CPOX: variants seen among roughly 807,000 people sequenced by gnomAD.
The protein encoded by CPOX is oxygen-dependent coproporphyrinogen-III oxidase, mitochondrial.
Under a neutral mutation model 48.9 loss-of-function variants are expected in CPOX, and 24 were observed. That is an observed-to-expected ratio of 0.49 (90% confidence interval 0.36 to 0.69). CPOX has a LOEUF of 0.69. Among genes scored for constraint, CPOX ranks in the 30% least tolerant of loss-of-function variants. The pLI is 0.00. For missense variants in CPOX, 549 were observed against 597.3 expected, an observed-to-expected ratio of 0.92 and a Z score of 0.84; for synonymous variants, 249 against 234.6, an observed-to-expected ratio of 1.06 and a Z score of -0.56.
At chr3:98,592,198 G>C (rs2107133865) in intron 1 of CPOX, among the ~76,000 whole-genome samples, 1 of 152,244 alleles carries the variant, frequency 6.6e-6, no homozygotes, top group South Asian at 2.1e-4. Context: ...AGATGTGTCA[G>C]TATCACAGCT....
chr3:98,586,355 A>C (rs965656105), intron 4 of CPOX, among the ~76,000 whole-genome samples: 2 of 152,146 alleles, frequency 1.3e-5, no homozygotes, highest in Non-Finnish European at 2.9e-5. Context: ...GGAATCTTCC[A>C]CTAACAATGA....
chr3:98,592,516 C>T (rs1323818152), intron 1 of CPOX, among the ~76,000 whole-genome samples: 3 of 151,942 alleles, frequency 2.0e-5, no homozygotes, highest in Admixed American at 6.6e-5. Context: ...GGAGTTTAGC[C>T]GACACTTAGC....
Position 98,579,918 on chromosome 3 carries a change from A to T in CPOX, c.*765T>A. ...TTCCACACAGAGATGTCTGAAATAG[A>T]AAACTCTTAAGTATCAGAATTCAGG... On this transcript the variant is annotated 3_prime_UTR_variant, in exon 7 of 7. Transcript: ENST00000647941. 1.0e-6 allele frequency: 1 copy of T among 985,808 alleles called. No individual in the cohort carries two copies. 61.1% of individuals were successfully genotyped at this position (985,808 alleles called of 1,614,324 possible).
intron 5 of CPOX, among the ~76,000 whole-genome samples, chr3:98,585,154 A>T (rs1462555978): frequency 1.3e-5 from 2 of 152,190 alleles, no homozygotes; most frequent in East Asian, 3.8e-4. Flanking sequence ...TCTTGACATA[A>T]GGCTGGAGGG....
Position 98,580,554 on chromosome 3 carries a change from C to A in CPOX, c.*129G>T. On this transcript the variant is annotated 3_prime_UTR_variant, in exon 7 of 7. Transcript: ENST00000647941. ...TCCAAAACATGTTATCATCTGCCCA[C>A]GAGGTAGGGTGCAGAGTGGAGAAGA... 1 of 1,532,670 alleles carries A rather than the reference C, an allele frequency of 6.5e-7. No individual in the cohort carries two copies. Among genetic ancestry groups the A allele is most frequent in the Non-Finnish European group, 8.8e-7 (1 of 1,139,792 alleles). The allele number at this position is 1,532,670 out of a possible 1,614,324, so 94.9% of individuals were successfully genotyped here.
rs190796487 is a variant in CPOX, at chr3:98,581,738, T to C, written c.1173-227A>G. ...ATAGAATATAGATTCTGCCCCAACATAGAGCAGTCACAATACAAGGTTATG... is the reference window on the plus strand; with the variant it reads ...ATAGAATATAGATTCTGCCCCAACACAGAGCAGTCACAATACAAGGTTATG... On this transcript the variant is annotated intron_variant, in intron 5 of 6. Transcript: ENST00000647941. Among the ~76,000 whole-genome samples, 259 of 152,256 alleles carry C rather than the reference T, an allele frequency of 1.7e-3. 1 individual carries two copies. Among genetic ancestry groups the C allele is most frequent in the African/African-American group, 5.7e-3 (235 of 41,538 alleles).
chr3:98,584,034 C>T (rs1423188275), intron 5 of CPOX, among the ~76,000 whole-genome samples: 1 of 152,168 alleles, frequency 6.6e-6, no homozygotes, highest in Non-Finnish European at 1.5e-5. Flanking sequence ...CAACGACTTT[C>T]AGAATGATCT....
intron 1 of CPOX, 123 bp downstream of exon 1, chr3:98,592,826 C>G (rs1707505565): frequency 9.2e-7 from 1 of 1,090,046 alleles, no homozygotes; most frequent in African/African-American, 1.6e-5. Context: ...ACCAAGCGGC[C>G]TCTCTGTGGG....
In CPOX at chr3:98,585,558, C is replaced by G; in HGVS notation, c.1055G>C (p.Arg352Pro). Residue 352 changes from arginine (R) to proline (P), a missense_variant, in exon 5 of 7, where the codon CGC becomes CCC. Physicochemically the swap from Arg to Pro is moderately radical, Grantham distance 103. Coordinates refer to ENST00000647941, the MANE Select transcript of CPOX (RefSeq NM_000097.7). Reference protein sequence around the residue: ...LDSPSKEEVFRFVQSCARAVV... With the variant: ...LDSPSKEEVFPFVQSCARAVV... ...AGCCCTGGCACAGCTCTGTACAAAG[C>G]GAAACACCTCCTCCTTGGACGGAGA... 4 of 1,614,068 alleles carry G rather than the reference C, an allele frequency of 2.5e-6. 1 individual carries two copies. In the South Asian group the frequency reaches 4.4e-5, roughly 18 times the overall value.
At chr3:98,587,189 G>A (rs1707380995) in intron 4 of CPOX, among the ~76,000 whole-genome samples, 1 of 152,084 alleles carries the variant, frequency 6.6e-6, no homozygotes, top group South Asian at 2.1e-4. Flanking sequence ...CTGACGCATA[G>A]GTAGAATTCA....
In CPOX at chr3:98,580,385, C is replaced by T; in HGVS notation, c.*298G>A. ...GAGAGATTTCCTGATACATATAATA[C>T]TATTTATATTCCCTTATCTCAATAC... On this transcript the variant is annotated 3_prime_UTR_variant, in exon 7 of 7. Transcript: ENST00000647941. 2 of 1,139,764 alleles carry T rather than the reference C, an allele frequency of 1.8e-6. No homozygotes were observed. Among genetic ancestry groups the T allele is most frequent in the Non-Finnish European group, 2.2e-6 (2 of 919,050 alleles). 70.6% of individuals were successfully genotyped at this position (1,139,764 alleles called of 1,614,324 possible).
At chr3:98,575,799 G>C (rs141784019), downstream of CPOX, among the ~76,000 whole-genome samples, 652 of 150,522 alleles carry the variant, frequency 4.3e-3, 2 homozygotes, top group Middle Eastern at 7.0e-3. Context: ...CGGGTGTGCT[G>C]GCTCATGCCT....
rs1263784603 is a variant in CPOX at position 98,580,640 on chromosome 3, C to T, written c.*43G>A. 1 of 1,611,972 alleles carries T rather than the reference C, an allele frequency of 6.2e-7. No individual in the cohort carries two copies. The highest frequency in any genetic ancestry group is 1.7e-4 in the Middle Eastern group (1 of 6,044). ...GCCGACCAGTGGCATGGGGAGCACA[C>T]ATCGTGTGCCCTCCAAACCCCTGCA... On this transcript the variant is annotated 3_prime_UTR_variant, in exon 7 of 7. Transcript: ENST00000647941.
chr3:98,576,525 C>G (rs754118466), downstream of CPOX, among the ~76,000 whole-genome samples: 1 of 152,154 alleles, frequency 6.6e-6, no homozygotes, highest in Non-Finnish European at 1.5e-5. Flanking sequence ...TGTTGTACAA[C>G]TTATGACTTG....
the CPOX span, among the ~76,000 whole-genome samples, chr3:98,572,069 G>A: frequency 6.6e-6 from 1 of 152,166 alleles, no homozygotes; most frequent in Non-Finnish European, 1.5e-5. Context: ...ATAAGTTAGA[G>A]ACACTTTGTT....
At position 98,585,631 on chromosome 3, in the gene CPOX, G is replaced by A. The variant is rs121917873; in HGVS notation, c.982C>T (p.Arg328Cys). 1.2e-6 allele frequency: 2 copies of A among 1,613,880 alleles called. No homozygotes were observed. Among genetic ancestry groups the A allele is most frequent in the Non-Finnish European group, 1.7e-6 (2 of 1,179,942 alleles). Residue 328 changes from arginine to cysteine, a missense_variant, in exon 5 of 7, where the codon CGT becomes TGT. Physicochemically the swap from Arg to Cys is radical, Grantham distance 180. Transcript: ENST00000647941. ...WCDDYFFIAH[R>C]GERRGIGGIF... The stretch of plus-strand genomic sequence containing the variant: ...CCACCAATGCCCCGCCGTTCTCCAC[G>A]ATGGGCTATAAAGAAGTAATCATCA...
chr3:98,592,842 C>G (rs547570137), intron 1 of CPOX, 107 bp downstream of exon 1: 115 of 1,269,920 alleles, frequency 9.1e-5, no homozygotes, highest in South Asian at 3.5e-4. Flanking sequence ...GTGGGTACCC[C>G]CTACCTACCC....
rs562886526 is a variant in CPOX at position 98,585,879 on chromosome 3, C to T, written c.954-220G>A. ...GCTTATCCTCTTTTTCTTTTCTTTT[C>T]TTTTTTTTTTTGAGACGGACTCTTG... On this transcript the variant is annotated intron_variant, in intron 4 of 6. Coordinates refer to ENST00000647941, the MANE Select transcript of CPOX (RefSeq NM_000097.7). 9.9e-4 allele frequency: 403 copies of T among 407,292 alleles called. 1 individual carries two copies. Among genetic ancestry groups the T allele is most frequent in the South Asian group, 7.5e-3 (270 of 36,014 alleles). The allele number at this position is 407,292 out of a possible 1,614,324, so 25.2% of individuals were successfully genotyped here. A position where few individuals can be genotyped will look rare whatever the true frequency, so the allele number is the denominator to read the frequency against.
At chr3:98,570,993 A>G in the CPOX span, among the ~76,000 whole-genome samples, 1 of 152,300 alleles carries the variant, frequency 6.6e-6, no homozygotes, top group East Asian at 1.9e-4. Flanking sequence ...TCTTCACTCA[A>G]TGTCTGTGAT....
Sources: gnomAD v4.1 joint callset for allele counts (sites outside exome capture counted in the v4.1 genomes callset) on GRCh38, gnomAD v4.1.1 for gene constraint, MANE v1.5 for transcripts, NCBI Gene and HGNC (gene_info 2026-07-23, HGNC 2026-07-21) for gene names.